PKP4: variants seen among roughly 807,000 people sequenced by gnomAD.
PKP4 encodes plakophilin-4.
A neutral mutation model predicts 145.1 loss-of-function variants in PKP4; 90 were observed. The observed-to-expected ratio is 0.62, with a 90% CI of 0.52 to 0.74. PKP4 has a LOEUF of 0.74. Among genes scored for constraint, PKP4 ranks in the 30% least tolerant of loss-of-function variants. PKP4 has a pLI of 0.00. For missense variants in PKP4, 1,340 were observed against 1,482.7 expected (o/e 0.90, Z 1.58); for synonymous variants, 563 against 577.2 (o/e 0.98, Z 0.35).
chr2:158,673,796 T>C lies in PKP4; in HGVS notation c.3009+35T>C, dbSNP rs375895558. 3.4e-6 allele frequency: 5 copies of C among 1,491,892 alleles called. No individual in the cohort carries two copies. In the African/African-American group the frequency reaches 5.5e-5, roughly 16 times the overall value. The allele number at this position is 1,491,892 out of a possible 1,614,324, so 92.4% of individuals were successfully genotyped here. A position where few individuals can be genotyped will look rare whatever the true frequency, so the allele number is the denominator to read the frequency against. On this transcript the variant is annotated intron_variant, in intron 18 of 21. Coordinates refer to ENST00000389759, the MANE Select transcript of PKP4 (RefSeq NM_003628.6). ...AAGAATAGCTCTGGCATAATTAGCATTCATCAGAGCACACACTCATAATCA... is the reference window on the plus strand; with the variant it reads ...AAGAATAGCTCTGGCATAATTAGCACTCATCAGAGCACACACTCATAATCA...
At chr2:158,506,822 T>G (rs557682961) in intron 1 of PKP4, among the ~76,000 whole-genome samples, 1 of 152,358 alleles carries the variant, frequency 6.6e-6, no homozygotes, top group Non-Finnish European at 1.5e-5. Context: ...TCCCTCAGAC[T>G]AGAGTGTTCA....
intron 3 of PKP4, chr2:158,588,802 G>T (rs1454684665): frequency 6.6e-6 from 1 of 151,994 alleles, no homozygotes; most frequent in Non-Finnish European, 1.5e-5. Context: ...TTTCTTTAGT[G>T]ACTCTGCATT....
At chr2:158,485,368 G>A (rs1214392839) in intron 1 of PKP4, among the ~76,000 whole-genome samples, 1 of 152,184 alleles carries the variant, frequency 6.6e-6, no homozygotes, top group Non-Finnish European at 1.5e-5. Flanking sequence ...TCAGAAGTAC[G>A]TAGGAAATGG....
intron 19 of PKP4, among the ~76,000 whole-genome samples, chr2:158,675,893 G>A (rs2057964751): frequency 6.6e-6 from 1 of 152,166 alleles, no homozygotes; most frequent in South Asian, 2.1e-4. Flanking sequence ...GCTTTCGAGT[G>A]TATCAAGTGA....
chr2:158,579,548 T>G (rs1286754487), intron 3 of PKP4, among the ~76,000 whole-genome samples: 1 of 151,858 alleles, frequency 6.6e-6, no homozygotes, highest in African/African-American at 2.4e-5. Context: ...AAGAACTGGA[T>G]ACCATTGGAG....
In PKP4 at chr2:158,563,855, A is replaced by G. The variant is rs1002140138; in HGVS notation, c.133-13416A>G. Among the ~76,000 whole-genome samples, 4 of 152,190 alleles carry G rather than the reference A, an allele frequency of 2.6e-5. No homozygotes were observed. The East Asian group carries it at 7.7e-4, about 29-fold the overall frequency. On this transcript the variant is annotated intron_variant, in intron 2 of 21. Coordinates refer to ENST00000389759, the MANE Select transcript of PKP4 (RefSeq NM_003628.6). ...TTTCCAATTGTTAGAATAGGCCATA[A>G]TAGGTTATTGGAATATTATTGAACA... is the stretch of plus-strand genomic sequence containing the variant.
intron 2 of PKP4, among the ~76,000 whole-genome samples, chr2:158,561,755 C>T (rs932859113): frequency 1.3e-4 from 19 of 151,434 alleles, no homozygotes; most frequent in African/African-American, 4.1e-4. Flanking sequence ...CTCTACCCAT[C>T]GCAGTGTTTA....
At chr2:158,535,502 TG>T (rs1436810274) in intron 2 of PKP4, among the ~76,000 whole-genome samples, 1 of 152,154 alleles carries the variant, frequency 6.6e-6, no homozygotes, top group African/African-American at 2.4e-5. Flanking sequence ...TTCAAACTCC[TG>T]GGCTCAAGCA....
chr2:158,611,368 TAG>T (rs2105871046), intron 4 of PKP4, among the ~76,000 whole-genome samples: 1 of 152,342 alleles, frequency 6.6e-6, no homozygotes, highest in Non-Finnish European at 1.5e-5. Context: ...CTGTAGGAGC[TAG>T]GCTGTGCATT....
At position 158,625,129 on chromosome 2, in the gene PKP4, A is replaced by AAT; in HGVS notation, c.855_856insAT (p.Arg286IlefsTer32). 2 of 1,614,112 alleles carry AAT rather than the reference A, an allele frequency of 1.2e-6. No individual in the cohort carries two copies. The highest frequency in any genetic ancestry group is 8.5e-7 in the Non-Finnish European group (1 of 1,180,010). ...AGAGACCCGCCTCCCCAACAGCTAT[A>AAT]CGGCGGATTGGGTCAGTCACCTCCC... On this transcript the variant is annotated frameshift_variant, in exon 7 of 22. Transcript: ENST00000389759. LOFTEE classifies it high-confidence loss of function.
chr2:158,642,563 T>C lies in PKP4; in HGVS notation c.1773T>C (p.Cys591=). ...HRVLEVQKNA[C]GALRNLVFGK... is the part of the protein sequence containing the mutation. ...TTTTGGAAGTTCAGAAGAATGCTTGTGGTGCCCTTCGAAACCTCGTTTTTG... is the reference window on the plus strand; with the variant it reads ...TTTTGGAAGTTCAGAAGAATGCTTGCGGTGCCCTTCGAAACCTCGTTTTTG... Residue 591 remains cysteine, a synonymous_variant, in exon 11 of 22, where the codon TGT becomes TGC. Transcript: ENST00000389759. 2.5e-6 allele frequency: 4 copies of C among 1,613,902 alleles called. No individual in the cohort carries two copies. Among genetic ancestry groups the C allele is most frequent in the Non-Finnish European group, 3.4e-6 (4 of 1,179,820 alleles).
At chr2:158,651,537 C>T (rs1183014025) in intron 11 of PKP4, among the ~76,000 whole-genome samples, 1 of 152,042 alleles carries the variant, frequency 6.6e-6, no homozygotes, top group Non-Finnish European at 1.5e-5. Flanking sequence ...CCAGCTCCAG[C>T]ATGTGCCGTC....
Position 158,658,146 on chromosome 2 carries a change from T to C in PKP4, c.1925T>C (p.Leu642Ser), listed in dbSNP as rs138783960. The C allele has an allele frequency of 3.8e-6, 6 of 1,594,586 alleles. No homozygotes were observed. In the African/African-American group the frequency reaches 8.1e-5, roughly 21 times the overall value. Residue 642 changes from leucine (L) to serine (S), a missense_variant, in exon 12 of 22, where the codon TTA (leucine) becomes TCA (serine). Leu to Ser is a moderately radical substitution (Grantham distance 145, BLOSUM62 -2). Transcript: ENST00000389759. ...CCTTTTTTAGGAGTTCTTTGGAATT[T>C]ATCCTCATGTGATGCTGTAAAAATG... ...RELVTGVLWN[L>S]SSCDAVKMTI...
At chr2:158,514,926 G>C (rs1286741379) in intron 1 of PKP4, among the ~76,000 whole-genome samples, 1 of 152,068 alleles carries the variant, frequency 6.6e-6, no homozygotes, top group Non-Finnish European at 1.5e-5. Context: ...GGGTGACAGA[G>C]TGAGACGCTG....
At chr2:158,643,110 G>C (rs567634675) in intron 11 of PKP4, among the ~76,000 whole-genome samples, 2 of 152,060 alleles carry the variant, frequency 1.3e-5, no homozygotes, top group African/African-American at 2.4e-5. Flanking sequence ...GTATTCCCAC[G>C]TACTTTACTA....
intron 2 of PKP4, among the ~76,000 whole-genome samples, chr2:158,543,022 A>G (rs1038753363): frequency 6.6e-6 from 1 of 152,166 alleles, no homozygotes; most frequent in African/African-American, 2.4e-5. Flanking sequence ...TTTGGGGTTA[A>G]TGTAGTAAAA....
intron 1 of PKP4, among the ~76,000 whole-genome samples, chr2:158,496,837 T>A (rs1695815257): frequency 6.6e-6 from 1 of 151,664 alleles, no homozygotes; most frequent in South Asian, 2.1e-4. Context: ...TTCTTTATCC[T>A]CCTGGGTAGG....
At chr2:158,665,240 G>C (rs1322009873) in intron 15 of PKP4, among the ~76,000 whole-genome samples, 1 of 152,198 alleles carries the variant, frequency 6.6e-6, no homozygotes, top group Non-Finnish European at 1.5e-5. Flanking sequence ...GAAGGAGATG[G>C]TTCTGTTGTT....
chr2:158,647,393 A>G (rs966575594), intron 11 of PKP4, among the ~76,000 whole-genome samples: 1 of 152,198 alleles, frequency 6.6e-6, no homozygotes, highest in Non-Finnish European at 1.5e-5. Context: ...AATATTAAGT[A>G]ATTCAACCCA....
Sources: allele counts gnomAD v4.1 joint callset (sites outside exome capture counted in the v4.1 genomes callset), GRCh38; gene constraint gnomAD v4.1.1; transcripts MANE v1.5; gene names NCBI Gene and HGNC (gene_info 2026-07-23, HGNC 2026-07-21).